Variants in RAD18 observed in about 807,000 individuals in gnomAD.
The protein encoded by RAD18 is RAD18 E3 ubiquitin protein ligase, also known as E3 ubiquitin-protein ligase RAD18.
RAD18 carries 47 observed loss-of-function variants against 60.4 expected under a neutral mutation model. The ratio of observed to expected loss-of-function variants is 0.78; its 90% CI spans 0.62 to 0.99. RAD18 has a LOEUF of 0.99. Among genes scored for constraint, RAD18 ranks in the 50% least tolerant of loss-of-function variants. The pLI, the probability that RAD18 is intolerant of heterozygous loss-of-function variation, is 0.00. For synonymous variants in RAD18, 225 were observed against 195.5 expected (o/e 1.15, Z -1.26); for missense variants, 640 against 593.3 (o/e 1.08, Z -0.82).
chr3:8,913,014 C>A (rs1463539692), intron 8 of RAD18, among the ~76,000 whole-genome samples: 1 of 141,756 alleles, frequency 7.1e-6, no homozygotes, highest in African/African-American at 2.6e-5. Context: ...TTTCTCCTTA[C>A]AAACACACTA....
intron 7 of RAD18, among the ~76,000 whole-genome samples, chr3:8,921,593 T>C (rs1253051920): frequency 6.6e-6 from 1 of 152,008 alleles, no homozygotes; most frequent in Admixed American, 6.6e-5. Context: ...TGAACTATCA[T>C]TGCGCCACTG....
intron 9 of RAD18, 91 bp from the exon 10 acceptor site, chr3:8,902,611 G>T: frequency 7.7e-7 from 1 of 1,297,684 alleles, no homozygotes. Flanking sequence ...GTGTACAAGG[G>T]ATGGGCATGG....
At chr3:8,918,643 G>A (rs922140810) in intron 7 of RAD18, among the ~76,000 whole-genome samples, 1 of 152,084 alleles carries the variant, frequency 6.6e-6, no homozygotes, top group Non-Finnish European at 1.5e-5. Flanking sequence ...ATGCTCTGGA[G>A]AAGTCCAGAG....
chr3:8,938,304 T>C (rs1940687593), intron 6 of RAD18, among the ~76,000 whole-genome samples: 1 of 152,202 alleles, frequency 6.6e-6, no homozygotes. Flanking sequence ...TGTTAGCTTT[T>C]GTAAGTTGTA....
chr3:8,916,054 T>C (rs1940195065), intron 7 of RAD18, among the ~76,000 whole-genome samples: 1 of 152,066 alleles, frequency 6.6e-6, no homozygotes, highest in Non-Finnish European at 1.5e-5. Flanking sequence ...CACATCTTTA[T>C]CCCTGAAGAA....
In RAD18 at chr3:8,939,509, G is replaced by C. The variant is rs1482926905; in HGVS notation, c.704+45C>G. 3 of 1,489,926 alleles carry C rather than the reference G, an allele frequency of 2.0e-6. No homozygotes were observed. The South Asian group carries it at 3.5e-5, about 17-fold the overall frequency. 92.3% of individuals were successfully genotyped at this position (1,489,926 alleles called of 1,614,324 possible). A position where few individuals can be genotyped will look rare whatever the true frequency, so the allele number is the denominator to read the frequency against. ...AATTTTCCCCCAAGTAAGCACAAGA[G>C]GCACCCAGCTAAAGTAGCTCAATGG... is the stretch of plus-strand genomic sequence containing the variant. On this transcript the variant is annotated intron_variant, in intron 6 of 12. Coordinates refer to ENST00000264926, the MANE Select transcript of RAD18 (RefSeq NM_020165.4).
intron 2 of RAD18, among the ~76,000 whole-genome samples, chr3:8,957,012 C>T (rs926021107): frequency 5.3e-5 from 8 of 152,176 alleles, no homozygotes; most frequent in Non-Finnish European, 1.5e-5. Context: ...GTAAAACTGT[C>T]TTTATCCACA....
intron 11 of RAD18, among the ~76,000 whole-genome samples, chr3:8,891,346 G>A (rs1339207277): frequency 6.6e-6 from 1 of 151,928 alleles, no homozygotes; most frequent in East Asian, 1.9e-4. Context: ...TAAACAGGAA[G>A]GTTACAAAGC....
intron 11 of RAD18, among the ~76,000 whole-genome samples, chr3:8,895,682 T>C (rs1197102809): frequency 6.6e-6 from 1 of 152,222 alleles, no homozygotes; most frequent in Non-Finnish European, 1.5e-5. Flanking sequence ...TATATTTACA[T>C]GGTTCAAAAT....
chr3:8,941,431 A>T (rs772748627), intron 5 of RAD18, 36 bp downstream of exon 5: 15 of 1,477,506 alleles, frequency 1.0e-5, no homozygotes, highest in Non-Finnish European at 1.4e-5. Context: ...GGATGAAAAG[A>T]TGTCCATATT....
chr3:8,910,737 A>G (rs1164640640), intron 9 of RAD18, among the ~76,000 whole-genome samples: 1 of 152,260 alleles, frequency 6.6e-6, no homozygotes, highest in Non-Finnish European at 1.5e-5. Flanking sequence ...TAATATTTAA[A>G]GGATGGAAGG....
At chr3:8,939,909 A>G (rs1050443948) in intron 5 of RAD18, among the ~76,000 whole-genome samples, 2 of 152,178 alleles carry the variant, frequency 1.3e-5, no homozygotes, top group Non-Finnish European at 2.9e-5. Context: ...ATAAGCTTGA[A>G]AGTTCATTTA....
chr3:8,880,883 ACACACACC>A lies in RAD18; in HGVS notation c.*466_*473del. On this transcript the variant is annotated 3_prime_UTR_variant, in exon 13 of 13. Transcript: ENST00000264926. Reference sequence around the variant, plus strand: ...ATGGTGGTGGCGTGCATCGGTACTTACACACACCAAGGATGTGAACTGACATCCCGCCT... The same window carrying A: ...ATGGTGGTGGCGTGCATCGGTACTTAAAGGATGTGAACTGACATCCCGCCT... 6.4e-6 allele frequency: 1 copy of A among 157,334 alleles called. No individual in the cohort carries two copies. Among genetic ancestry groups the A allele is most frequent in the Non-Finnish European group, 1.4e-5 (1 of 71,344 alleles). The allele number at this position is 157,334 out of a possible 1,614,324, so 9.7% of individuals were successfully genotyped here.
intron 7 of RAD18, among the ~76,000 whole-genome samples, chr3:8,932,730 G>C (rs1940580799): frequency 6.6e-6 from 1 of 152,188 alleles, no homozygotes; most frequent in Non-Finnish European, 1.5e-5. Context: ...ACACAGTCCA[G>C]TTGTCCATCA....
intron 2 of RAD18, among the ~76,000 whole-genome samples, chr3:8,951,599 T>C (rs1940925485): frequency 6.6e-6 from 1 of 152,366 alleles, no homozygotes; most frequent in South Asian, 2.1e-4. Flanking sequence ...AACTTTTTCT[T>C]GTTAATTTAA....
At chr3:8,948,404 C>T in intron 3 of RAD18, 105 bp downstream of exon 3, 1 of 911,552 alleles carries the variant, frequency 1.1e-6, no homozygotes, top group Non-Finnish European at 1.7e-6. Context: ...TAGCTTAATT[C>T]AGTAACTACA....
At chr3:8,921,890 T>C (rs538719081) in intron 7 of RAD18, among the ~76,000 whole-genome samples, 8 of 152,332 alleles carry the variant, frequency 5.3e-5, no homozygotes, top group South Asian at 2.1e-4. Context: ...CAAGGTATTA[T>C]AGAGTGTTTA....
At chr3:8,960,366 A>G (rs1941077544) in intron 1 of RAD18, among the ~76,000 whole-genome samples, 1 of 152,228 alleles carries the variant, frequency 6.6e-6, no homozygotes, top group East Asian at 1.9e-4. Flanking sequence ...TAATGAGAAG[A>G]TAAACAAGAA....
chr3:8,896,375 T>C (rs1277311295), intron 11 of RAD18, among the ~76,000 whole-genome samples: 1 of 152,196 alleles, frequency 6.6e-6, no homozygotes, highest in Non-Finnish European at 1.5e-5. Context: ...TGTCACCTGT[T>C]CATTTAACTT....
Sources: allele counts gnomAD v4.1 joint callset (sites outside exome capture counted in the v4.1 genomes callset), GRCh38; gene constraint gnomAD v4.1.1; transcripts MANE v1.5; gene names NCBI Gene and HGNC (gene_info 2026-07-23, HGNC 2026-07-21).